The following NTM variants were observed in gnomAD, a reference collection of about 807,000 sequenced individuals.
NTM encodes IgLON family member 2.
Under a neutral mutation model 42.1 loss-of-function variants are expected in NTM, and 13 were observed. The observed-to-expected ratio is 0.31, with a 90% confidence interval of 0.20 to 0.49. NTM has a LOEUF of 0.49. Ranked by LOEUF, NTM falls within the 20% of genes least tolerant of loss-of-function variation. The pLI is 0.99. For synonymous variants in NTM, 187 were observed against 179.2 expected (o/e 1.04, Z -0.35); for missense variants, 373 against 452.8 (o/e 0.82, Z 1.60).
chr11:132,265,289 A>G (rs1247069860), intron 4 of NTM, among the ~76,000 whole-genome samples: 1 of 152,260 alleles, frequency 6.6e-6, no homozygotes, highest in African/African-American at 2.4e-5. Context: ...AAACTGGAAC[A>G]GCTTCTGGCA....
At position 132,023,235 on chromosome 11, in the gene NTM, A is replaced by G. The variant is rs567021553; in HGVS notation, c.167+111587A>G. On this transcript the variant is annotated intron_variant, in intron 2 of 8. Transcript: ENST00000683400. ...TCTCCATTGTTACTGGGCACATGCC[A>G]TCGTGGAGCCTGGGGAGAAAACAAC... 7.2e-5 allele frequency among the ~76,000 whole-genome samples: 11 copies of G among 152,358 alleles called. No homozygotes were observed. The South Asian group carries it at 2.1e-3, about 29-fold the overall frequency.
chr11:131,703,366 A>C (rs2135201316), intron 1 of NTM, among the ~76,000 whole-genome samples: 1 of 152,352 alleles, frequency 6.6e-6, no homozygotes, highest in East Asian at 1.9e-4. Context: ...TTTTCAATTA[A>C]ATGTTTTTAA....
chr11:132,294,342 T>C (rs1007285406), intron 4 of NTM, among the ~76,000 whole-genome samples: 5 of 152,036 alleles, frequency 3.3e-5, no homozygotes, highest in African/African-American at 9.7e-5. Context: ...GCTAACTCCA[T>C]TGGTTAATGC....
chr11:132,322,076 G>T (rs912748929), intron 7 of NTM, among the ~76,000 whole-genome samples: 2 of 151,772 alleles, frequency 1.3e-5, no homozygotes, highest in Non-Finnish European at 2.9e-5. Context: ...GCAAAAACAG[G>T]CCAAAATGTA....
chr11:132,333,915 G>C (rs1372919214), intron 8 of NTM, among the ~76,000 whole-genome samples: 1 of 152,216 alleles, frequency 6.6e-6, no homozygotes. Flanking sequence ...ATTTTGATTT[G>C]TTTTAGCCAG....
intron 1 of NTM, chr11:131,878,081 G>A (rs149772443): frequency 8.5e-5 from 13 of 152,226 alleles, no homozygotes; most frequent in African/African-American, 2.9e-4. Context: ...GGAGGAAAAC[G>A]TGTCCTCATT....
chr11:132,072,415 T>A (rs572898130), intron 2 of NTM, among the ~76,000 whole-genome samples: 4 of 152,240 alleles, frequency 2.6e-5, no homozygotes, highest in African/African-American at 9.6e-5. Context: ...CTCAAACACA[T>A]ATGTGTGCAA....
At chr11:131,602,002 A>G (rs1279708504) in intron 1 of NTM, among the ~76,000 whole-genome samples, 1 of 152,172 alleles carries the variant, frequency 6.6e-6, no homozygotes, top group Non-Finnish European at 1.5e-5. Flanking sequence ...TGGGGGCACA[A>G]ACAGATTTTT....
rs1174189983 is a variant in NTM, at chr11:131,598,875, T to TCCTTCCTTCCTTCCTC, written c.82+227988_82+227989insCTTCCTTCCTTCCTCC. Reference sequence around the variant, plus strand: ...TTCCTTCCTTCCTTCCTTCCTTCCTTCTTCCTTCCTTCCTTCCTTCCTTCC... The same window carrying TCCTTCCTTCCTTCCTC: ...TTCCTTCCTTCCTTCCTTCCTTCCTTCCTTCCTTCCTTCCTCCTTCCTTCCTTCCTTCCTTCCTTCC... On this transcript the variant is annotated intron_variant, in intron 1 of 8. Transcript: ENST00000683400. Among the ~76,000 whole-genome samples, 3 of 35,004 alleles carry TCCTTCCTTCCTTCCTC rather than the reference T, an allele frequency of 8.6e-5. 1 individual carries two copies. Among genetic ancestry groups the TCCTTCCTTCCTTCCTC allele is most frequent in the African/African-American group, 3.0e-4 (3 of 10,128 alleles). The allele number at this position is 35,004 out of a possible 152,430, so 23.0% of individuals were successfully genotyped here.
chr11:132,212,461 G>C (rs2083021389), intron 4 of NTM, among the ~76,000 whole-genome samples: 1 of 152,164 alleles, frequency 6.6e-6, no homozygotes, highest in Non-Finnish European at 1.5e-5. Context: ...CAAAGCTTTA[G>C]TGGCAATTGT....
chr11:132,123,307 T>C (rs1038805631), intron 2 of NTM, among the ~76,000 whole-genome samples: 1 of 152,142 alleles, frequency 6.6e-6, no homozygotes, highest in Admixed American at 6.5e-5. Flanking sequence ...AAGGGGTAGT[T>C]AGAAGAGAGG....
intron 1 of NTM, among the ~76,000 whole-genome samples, chr11:131,648,703 CA>C: frequency 6.6e-6 from 1 of 152,198 alleles, no homozygotes; most frequent in South Asian, 2.1e-4. Flanking sequence ...TTTGTAATAC[CA>C]ACATGCCTTT....
At chr11:131,487,820 T>G (rs768339892) in intron 1 of NTM, among the ~76,000 whole-genome samples, 1 of 152,180 alleles carries the variant, frequency 6.6e-6, no homozygotes, top group Non-Finnish European at 1.5e-5. Flanking sequence ...ATCTCTAGCT[T>G]GGAAGGCTTA....
rs2070356142 is a variant in NTM, at chr11:132,146,117, C to A, written c.168-165C>A. On this transcript the variant is annotated intron_variant, in intron 2 of 8. Transcript: ENST00000683400. This position sits in a 1 kb window ranked among gnomAD's most constrained non-coding sequence, Gnocchi z 4.5. ...ATTCTGAGGCTGTAATCCCATAAGA[C>A]CTTTGCTGTGTTCCAGAAAAGTCCA... 3.5e-6 allele frequency: 2 copies of A among 577,446 alleles called. No individual in the cohort carries two copies. Among genetic ancestry groups the A allele is most frequent in the African/African-American group, 2.0e-5 (1 of 49,192 alleles). 35.8% of individuals were successfully genotyped at this position (577,446 alleles called of 1,614,324 possible). A position where few individuals can be genotyped will look rare whatever the true frequency, so the allele number is the denominator to read the frequency against.
intron 1 of NTM, among the ~76,000 whole-genome samples, chr11:131,450,331 G>A (rs879517082): frequency 3.3e-5 from 5 of 152,274 alleles, no homozygotes; most frequent in South Asian, 2.1e-4. Flanking sequence ...GAAGTGGCTC[G>A]TGGCTTCCAC....
chr11:131,838,378 TG>T (rs1025704835), intron 1 of NTM, among the ~76,000 whole-genome samples: 1 of 152,188 alleles, frequency 6.6e-6, no homozygotes, highest in Non-Finnish European at 1.5e-5. Flanking sequence ...TACATATCTA[TG>T]GGGGTAGCAG....
At chr11:131,631,881 A>G (rs941377605) in intron 1 of NTM, among the ~76,000 whole-genome samples, 1 of 152,190 alleles carries the variant, frequency 6.6e-6, no homozygotes, top group Non-Finnish European at 1.5e-5. Context: ...CTAGCATTGA[A>G]TGTTACCTTG....
At chr11:131,937,162 T>C (rs1004395005) in intron 2 of NTM, among the ~76,000 whole-genome samples, 13 of 152,250 alleles carry the variant, frequency 8.5e-5, no homozygotes, top group African/African-American at 2.9e-4. Context: ...AAACAGAAGT[T>C]CTGCGTTTTC....
chr11:132,010,851 A>G (rs1256699703), intron 2 of NTM, among the ~76,000 whole-genome samples: 1 of 152,032 alleles, frequency 6.6e-6, no homozygotes, highest in Admixed American at 6.6e-5. Flanking sequence ...TGGAAGTATC[A>G]TTTATTGGTG....
Sources: gnomAD v4.1 joint callset for allele counts (sites outside exome capture counted in the v4.1 genomes callset) on GRCh38, gnomAD v4.1.1 for gene constraint, Gnocchi (gnomAD v3.1) non-coding constraint, MANE v1.5 for transcripts, NCBI Gene and HGNC (gene_info 2026-07-23, HGNC 2026-07-21) for gene names.